The following ANO3 variants were observed in gnomAD, a reference collection of about 807,000 sequenced individuals.
ANO3 encodes the protein anoctamin-3.
Under a neutral mutation model 144.8 loss-of-function variants are expected in ANO3, and 99 were observed. That is an observed-to-expected ratio of 0.68 (90% CI 0.58 to 0.81). ANO3 has a LOEUF of 0.81. Among genes scored for constraint, ANO3 ranks in the 30% least tolerant of loss-of-function variants. The probability of loss-of-function intolerance (pLI) is 0.00; values close to 1 mark genes in which losing one functional copy is unlikely to be tolerated. For synonymous variants in ANO3, 414 were observed against 392.6 expected (o/e 1.05, Z -0.64); for missense variants, 905 against 1,202.2 (o/e 0.75, Z 3.66).
At chr11:26,539,245 G>A (rs145928911) in intron 10 of ANO3, among the ~76,000 whole-genome samples, 36 of 152,102 alleles carry the variant, frequency 2.4e-4, no homozygotes, top group Admixed American at 5.9e-4. Flanking sequence ...GAGGAAATGT[G>A]TGTAGGTCAG....
intron 18 of ANO3, among the ~76,000 whole-genome samples, chr11:26,626,797 C>A (rs1328123428): frequency 6.7e-6 from 1 of 150,124 alleles, no homozygotes; most frequent in Non-Finnish European, 1.5e-5. Flanking sequence ...TTTTTTCTTT[C>A]TTCCTTTTCT....
chr11:26,288,876 G>C (rs1474705335), intron 1 of ANO3, among the ~76,000 whole-genome samples: 2 of 152,076 alleles, frequency 1.3e-5, no homozygotes, highest in African/African-American at 2.4e-5. Context: ...GCTACAATAG[G>C]TGGATAAAGT....
At chr11:26,289,252 G>A (rs1027121401) in intron 1 of ANO3, among the ~76,000 whole-genome samples, 3 of 151,794 alleles carry the variant, frequency 2.0e-5, no homozygotes, top group East Asian at 1.9e-4. Flanking sequence ...TTATGTCCTG[G>A]GAACACCAGA....
At chr11:26,476,515 GGAGAGGTGAGA>G (rs1316773496) in intron 4 of ANO3, among the ~76,000 whole-genome samples, 1 of 152,092 alleles carries the variant, frequency 6.6e-6, no homozygotes, top group East Asian at 1.9e-4. Context: ...ATGGCCAAGA[GGAGAGGTGAGA>G]GAGAGGTGAG....
chr11:26,585,937 A>G (rs1851262924), intron 14 of ANO3, among the ~76,000 whole-genome samples: 2 of 152,218 alleles, frequency 1.3e-5, no homozygotes, highest in Non-Finnish European at 2.9e-5. Flanking sequence ...TAATTTATCT[A>G]AAGTGATTAT....
intron 1 of ANO3, among the ~76,000 whole-genome samples, chr11:26,385,314 A>G (rs1396844846): frequency 6.6e-6 from 1 of 152,194 alleles, no homozygotes; most frequent in East Asian, 1.9e-4. Flanking sequence ...GCATTGATAT[A>G]TTCGCTTTAT....
chr11:26,409,447 A>G (rs1857376616), intron 1 of ANO3, among the ~76,000 whole-genome samples: 1 of 54,134 alleles, frequency 1.8e-5, no homozygotes. Flanking sequence ...GGCCCTGAAG[A>G]ATGCACATGA....
intron 1 of ANO3, among the ~76,000 whole-genome samples, chr11:26,224,736 G>A (rs748843872): frequency 4.6e-5 from 7 of 152,192 alleles, no homozygotes; most frequent in Non-Finnish European, 7.3e-5. Context: ...TGTTGCCTGT[G>A]GATGGTAAGG....
intron 24 of ANO3, among the ~76,000 whole-genome samples, chr11:26,652,358 G>T (rs988210882): frequency 2.0e-5 from 3 of 152,030 alleles, no homozygotes; most frequent in African/African-American, 7.2e-5. Flanking sequence ...TCCTACTTAA[G>T]AAAAATTGAA....
chr11:26,189,388 T>C, intron 1 of ANO3: 1 of 887,460 alleles, frequency 1.1e-6, no homozygotes, highest in Non-Finnish European at 1.4e-6. Context: ...TGTACTTCTT[T>C]AATGTCTGAT....
At chr11:26,559,864 A>C in intron 14 of ANO3, 85 bp downstream of exon 14, 1 of 909,752 alleles carries the variant, frequency 1.1e-6, no homozygotes, top group Non-Finnish European at 1.8e-6. Flanking sequence ...ACACACACAC[A>C]CACACACACA....
At chr11:26,440,615 A>C (rs1032493844) in intron 1 of ANO3, among the ~76,000 whole-genome samples, 3 of 152,118 alleles carry the variant, frequency 2.0e-5, no homozygotes, top group African/African-American at 7.2e-5. Context: ...ACTCCACCTC[A>C]AGTAAAGTTG....
At chr11:26,251,033 T>A (rs1364586540) in intron 1 of ANO3, among the ~76,000 whole-genome samples, 1 of 152,164 alleles carries the variant, frequency 6.6e-6, no homozygotes, top group Admixed American at 6.5e-5. Flanking sequence ...CTTATACTGA[T>A]CAGCATCATC....
chr11:26,404,532 A>G (rs1384959629), intron 1 of ANO3, among the ~76,000 whole-genome samples: 3 of 151,822 alleles, frequency 2.0e-5, no homozygotes, highest in Non-Finnish European at 4.4e-5. Context: ...ATTAGAATTA[A>G]TGCATGCAAC....
chr11:26,544,281 T>TATATATATATATATATAC (rs1849729404), intron 11 of ANO3, among the ~76,000 whole-genome samples: 1 of 86,986 alleles, frequency 1.1e-5, no homozygotes, highest in African/African-American at 4.0e-5. Context: ...TATACACACA[T>TATATATATATATATATAC]ACACACACAC....
At chr11:26,291,433 G>A (rs945821640) in intron 1 of ANO3, among the ~76,000 whole-genome samples, 4 of 152,146 alleles carry the variant, frequency 2.6e-5, no homozygotes, top group Non-Finnish European at 5.9e-5. Context: ...TGTTATGTGT[G>A]AATTAGATCC....
chr11:26,435,748 G>T (rs1312108889), intron 1 of ANO3, among the ~76,000 whole-genome samples: 2 of 151,854 alleles, frequency 1.3e-5, no homozygotes, highest in Non-Finnish European at 2.9e-5. Flanking sequence ...AGATCAGTTA[G>T]GTTCTTTTTT....
intron 1 of ANO3, among the ~76,000 whole-genome samples, chr11:26,346,086 T>G (rs1230512819): frequency 6.6e-6 from 1 of 152,166 alleles, no homozygotes; most frequent in Non-Finnish European, 1.5e-5. Flanking sequence ...GATCTTATAT[T>G]TACACTTTGA....
intron 6 of ANO3, among the ~76,000 whole-genome samples, chr11:26,517,834 G>A (rs921352076): frequency 1.3e-5 from 2 of 152,030 alleles, no homozygotes; most frequent in African/African-American, 4.8e-5. Flanking sequence ...AAAATGTGAG[G>A]TATTGAGCCT....
Sources: allele counts gnomAD v4.1 joint callset (sites outside exome capture counted in the v4.1 genomes callset), GRCh38; gene constraint gnomAD v4.1.1; transcripts MANE v1.5; gene names NCBI Gene and HGNC (gene_info 2026-07-23, HGNC 2026-07-21).